Variants in ZFYVE1 observed in about 807,000 individuals in gnomAD.
ZFYVE1 encodes the protein zinc finger FYVE-type containing 1.
In ZFYVE1, 30 loss-of-function variants were observed where a neutral mutation model predicts 74.4. The ratio of observed to expected loss-of-function variants is 0.40; its 90% CI spans 0.30 to 0.55. The LOEUF is 0.55. Ranked by LOEUF, ZFYVE1 falls within the 20% of genes least tolerant of loss-of-function variation. The pLI is 0.42. For synonymous variants in ZFYVE1, 335 were observed against 385.1 expected, an observed-to-expected ratio of 0.87 and a Z score of 1.52; for missense variants, 703 against 1,011.6, an observed-to-expected ratio of 0.69 and a Z score of 4.14.
intron 5 of ZFYVE1, among the ~76,000 whole-genome samples, chr14:72,980,991 T>C (rs558785602): frequency 1.3e-5 from 2 of 152,216 alleles, no homozygotes; most frequent in Non-Finnish European, 2.9e-5. Context: ...TGCGGATCAC[T>C]GCTCTAACCA....
intron 2 of ZFYVE1, among the ~76,000 whole-genome samples, chr14:73,001,308 T>C (rs1893868484): frequency 1.3e-5 from 2 of 152,204 alleles, no homozygotes; most frequent in Non-Finnish European, 2.9e-5. Context: ...CCTGAATCAT[T>C]TCAATTAGCT....
chr14:73,017,564 G>A (rs754315160), intron 2 of ZFYVE1, among the ~76,000 whole-genome samples: 3 of 152,298 alleles, frequency 2.0e-5, no homozygotes, highest in Admixed American at 6.5e-5. Context: ...AAAACCTGGT[G>A]TCTTAAATAA....
At chr14:73,023,330 T>C (rs183981064) in intron 2 of ZFYVE1, among the ~76,000 whole-genome samples, 1 of 53,964 alleles carries the variant, frequency 1.9e-5, no homozygotes, top group Admixed American at 1.7e-4. Context: ...ATAATATATA[T>C]TATATATGTT....
At position 73,024,737 on chromosome 14, in the gene ZFYVE1, G is replaced by C. The variant is rs1319238829; in HGVS notation, c.-229C>G. 1.8e-6 allele frequency: 1 copy of C among 563,432 alleles called. No individual in the cohort carries two copies. Among genetic ancestry groups the C allele is most frequent in the Non-Finnish European group, 2.9e-6 (1 of 344,098 alleles). 34.9% of individuals were successfully genotyped at this position (563,432 alleles called of 1,614,324 possible). A position where few individuals can be genotyped will look rare whatever the true frequency, so the allele number is the denominator to read the frequency against. On this transcript the variant is annotated 5_prime_UTR_variant, in exon 2 of 12. In the 5' UTR this introduces an upstream ATG that the reference lacks. Coordinates refer to ENST00000556143, the MANE Select transcript of ZFYVE1 (RefSeq NM_021260.4). ...ATTAGCAGCAACGTTGATTTGGTTT[G>C]ATGGTTTCATCCTCCATAAAGTGCA...
Position 73,024,320 on chromosome 14 carries a change from G to A in ZFYVE1, c.189C>T (p.Leu63=). The A allele has an allele frequency of 6.2e-7, 1 of 1,614,114 alleles. No individual in the cohort carries two copies. The highest frequency in any genetic ancestry group is 1.1e-5 in the South Asian group (1 of 91,066). The change falls in exon 2 of 12, where the codon CTC becomes CTT. Residue 63 remains leucine, a synonymous_variant. Transcript: ENST00000556143. ...ERLRNHERIR[L]KPGHVPYCDL... is the part of the protein sequence containing the mutation. ...CACAGTAAGGGACATGGCCAGGTTTGAGTCTTATCCGCTCATGGTTTCTCA... is the reference window on the plus strand; with the variant it reads ...CACAGTAAGGGACATGGCCAGGTTTAAGTCTTATCCGCTCATGGTTTCTCA...
chr14:73,026,362 C>G (rs1211478405), intron 1 of ZFYVE1, among the ~76,000 whole-genome samples: 1 of 152,080 alleles, frequency 6.6e-6, no homozygotes, highest in Admixed American at 6.6e-5. Context: ...TTCCAAGGCC[C>G]CGACAAGGTG....
intron 2 of ZFYVE1, among the ~76,000 whole-genome samples, chr14:73,013,276 C>T (rs1333944123): frequency 6.6e-6 from 1 of 152,156 alleles, no homozygotes; most frequent in Non-Finnish European, 1.5e-5. Flanking sequence ...AACCAGTCAA[C>T]AGAGGCTCTT....
intron 4 of ZFYVE1, among the ~76,000 whole-genome samples, chr14:72,991,858 T>G (rs1567352674): frequency 6.6e-6 from 1 of 152,144 alleles, no homozygotes; most frequent in South Asian, 2.1e-4. Flanking sequence ...ACTTTGTCTC[T>G]TAAGTATGCT....
At chr14:72,992,641 G>C (rs1188997575) in intron 4 of ZFYVE1, among the ~76,000 whole-genome samples, 3 of 136,972 alleles carry the variant, frequency 2.2e-5, no homozygotes, top group Non-Finnish European at 4.6e-5. Flanking sequence ...GCAAGAGAGA[G>C]AGAGCTGTTC....
intron 1 of ZFYVE1, among the ~76,000 whole-genome samples, 193 bp from the exon 2 acceptor site, chr14:73,025,135 C>T (rs1894430788): frequency 6.7e-6 from 1 of 149,590 alleles, no homozygotes; most frequent in African/African-American, 2.5e-5. Flanking sequence ...ATGGGACAGT[C>T]TCGGCTCACT....
chr14:72,983,392 C>A (rs968819858), intron 4 of ZFYVE1, among the ~76,000 whole-genome samples: 3 of 145,812 alleles, frequency 2.1e-5, no homozygotes, highest in Non-Finnish European at 4.5e-5. Context: ...TGTTCCCCCC[C>A]TTCCTGTGTC....
intron 4 of ZFYVE1, among the ~76,000 whole-genome samples, chr14:72,989,748 T>A (rs1169061718): frequency 2.0e-5 from 3 of 151,326 alleles, no homozygotes. Context: ...CAGTGAGCTG[T>A]GATCACACCA....
intron 5 of ZFYVE1, among the ~76,000 whole-genome samples, chr14:72,981,315 T>C (rs1893324571): frequency 6.6e-6 from 1 of 152,198 alleles, no homozygotes; most frequent in South Asian, 2.1e-4. Flanking sequence ...AAAATTCTAA[T>C]GTGCTCTAAA....
At chr14:72,987,614 T>C (rs1259680508) in intron 4 of ZFYVE1, among the ~76,000 whole-genome samples, 3 of 152,214 alleles carry the variant, frequency 2.0e-5, no homozygotes, top group Non-Finnish European at 4.4e-5. Context: ...TATGAAATGG[T>C]TCTCCCAACT....
intron 3 of ZFYVE1, among the ~76,000 whole-genome samples, chr14:72,995,099 C>T (rs911202693): frequency 5.9e-5 from 9 of 152,064 alleles, no homozygotes; most frequent in African/African-American, 1.4e-4. Flanking sequence ...TACTTAATTA[C>T]TTACTTTTTG....
At chr14:73,023,261 T>C (rs1340436196) in intron 2 of ZFYVE1, among the ~76,000 whole-genome samples, 6 of 108,366 alleles carry the variant, frequency 5.5e-5, no homozygotes, top group Non-Finnish European at 3.6e-5. Context: ...TTATATGTTT[T>C]ATATATAATA....
chr14:72,971,286 G>C (rs950058539), intron 11 of ZFYVE1, among the ~76,000 whole-genome samples, 172 bp from the exon 12 acceptor site: 5 of 152,210 alleles, frequency 3.3e-5, no homozygotes, highest in African/African-American at 1.2e-4. Flanking sequence ...ATCCAGATCA[G>C]AGTCTTTGGG....
At chr14:72,978,997 A>G in intron 5 of ZFYVE1, 28 bp from the exon 6 acceptor site, 1 of 1,598,806 alleles carries the variant, frequency 6.3e-7, no homozygotes, top group Non-Finnish European at 8.6e-7. Context: ...ACTGACAATG[A>G]GACGGCTAAA....
At chr14:73,020,192 T>C (rs1158607583) in intron 2 of ZFYVE1, among the ~76,000 whole-genome samples, 1 of 144,126 alleles carries the variant, frequency 6.9e-6, no homozygotes, top group Admixed American at 7.2e-5. Context: ...GAGGCAGAGA[T>C]TGCAGTGAGC....
Sources: allele counts gnomAD v4.1 joint callset (sites outside exome capture counted in the v4.1 genomes callset), GRCh38; gene constraint gnomAD v4.1.1; transcripts MANE v1.5; gene names NCBI Gene and HGNC (gene_info 2026-07-23, HGNC 2026-07-21).